Variants in SPMIP7 observed in about 807,000 individuals in gnomAD.
SPMIP7 encodes sperm microtubule inner protein 7.
the SPMIP7 span, among the ~76,000 whole-genome samples, chr7:50,109,564 C>T: frequency 6.6e-6 from 1 of 152,008 alleles, no homozygotes; most frequent in Non-Finnish European, 1.5e-5. Context: ...TTAGCAGAGA[C>T]AGGTTTCACC....
At chr7:50,099,476 G>A in the SPMIP7 span, among the ~76,000 whole-genome samples, 1 of 152,128 alleles carries the variant, frequency 6.6e-6, no homozygotes, top group Non-Finnish European at 1.5e-5. Flanking sequence ...TTGACTCTCT[G>A]TGTAGGTGTT....
the SPMIP7 span, among the ~76,000 whole-genome samples, chr7:50,156,640 T>C: frequency 0.032 from 4,882 of 151,566 alleles, 232 homozygotes; most frequent in African/African-American, 0.11. Context: ...CTCCTCTCCA[T>C]ATCCCAGGCT....
chr7:50,150,789 C>T, the SPMIP7 span, among the ~76,000 whole-genome samples: 46 of 152,318 alleles, frequency 3.0e-4, no homozygotes, highest in East Asian at 5.8e-4. Flanking sequence ...CACTGAAGAA[C>T]GGCTTCTTCA....
At chr7:50,125,151 CATATATATACACATATAT>C in the SPMIP7 span, among the ~76,000 whole-genome samples, 38,820 of 111,844 alleles carry the variant, frequency 0.35, 11,073 homozygotes, top group East Asian at 0.51. Flanking sequence ...CATATACACA[CATATATATACACATATAT>C]ACACATATAT....
the SPMIP7 span, chr7:50,134,381 TATATACACACACAC>T: frequency 1.8e-6 from 1 of 560,108 alleles, no homozygotes; most frequent in Non-Finnish European, 2.8e-6. Flanking sequence ...TAAGTAAATA[TATATACACACACAC>T]ACACACACAC....
chr7:50,143,159 ATTTTTTT>A, the SPMIP7 span, among the ~76,000 whole-genome samples: 1 of 113,636 alleles, frequency 8.8e-6, no homozygotes, highest in African/African-American at 3.2e-5. Context: ...AGTGAAAGCC[ATTTTTTT>A]TTTTTTTTTT....
At chr7:50,135,963 G>T in the SPMIP7 span, 1 of 632,586 alleles carries the variant, frequency 1.6e-6, no homozygotes, top group Non-Finnish European at 2.9e-6. Context: ...TGCTAGCAAA[G>T]CTTGGAGAGT....
chr7:50,144,424 A>G, the SPMIP7 span, among the ~76,000 whole-genome samples: 1 of 152,206 alleles, frequency 6.6e-6, no homozygotes, highest in African/African-American at 2.4e-5. Flanking sequence ...AGATTGAAAT[A>G]TGCACTAGAT....
At chr7:50,153,190 G>C in the SPMIP7 span, among the ~76,000 whole-genome samples, 2 of 152,240 alleles carry the variant, frequency 1.3e-5, no homozygotes, top group African/African-American at 4.8e-5. Flanking sequence ...ATGTAGGAGA[G>C]AGTTCCTCAG....
the SPMIP7 span, among the ~76,000 whole-genome samples, chr7:50,097,637 C>G: frequency 1.4e-5 from 2 of 146,504 alleles, no homozygotes; most frequent in Non-Finnish European, 3.0e-5. Context: ...TAAAACTCAC[C>G]TAAGAGTAAA....
chr7:50,152,100 C>T, the SPMIP7 span, among the ~76,000 whole-genome samples: 4,530 of 152,298 alleles, frequency 0.03, 224 homozygotes, highest in African/African-American at 0.1. Context: ...GTAATCCCAG[C>T]ACTTTGGGAG....
At chr7:50,126,784 C>T in the SPMIP7 span, among the ~76,000 whole-genome samples, 2 of 151,726 alleles carry the variant, frequency 1.3e-5, no homozygotes, top group African/African-American at 2.4e-5. Context: ...AATCATTTTG[C>T]TAGATATAGC....
the SPMIP7 span, chr7:50,141,281 T>C: frequency 1.3e-6 from 2 of 1,540,154 alleles, no homozygotes; most frequent in Non-Finnish European, 1.8e-6. Context: ...ATTCTAACAG[T>C]GGTCATGTGC....
At chr7:50,147,600 A>G in the SPMIP7 span, among the ~76,000 whole-genome samples, 1 of 152,228 alleles carries the variant, frequency 6.6e-6, no homozygotes, top group Non-Finnish European at 1.5e-5. Context: ...GCACATATAC[A>G]ATACATATAT....
At chr7:50,141,090 C>G in the SPMIP7 span, among the ~76,000 whole-genome samples, 1 of 152,196 alleles carries the variant, frequency 6.6e-6, no homozygotes, top group Non-Finnish European at 1.5e-5. Context: ...ACCGCTCATT[C>G]TGAAGAAGAG....
the SPMIP7 span, chr7:50,151,644 A>T: frequency 1.2e-6 from 1 of 868,816 alleles, no homozygotes; most frequent in East Asian, 2.8e-5. Context: ...GAACAATTAA[A>T]TAGTAAAAGC....
At chr7:50,101,598 C>T in the SPMIP7 span, among the ~76,000 whole-genome samples, 11 of 152,144 alleles carry the variant, frequency 7.2e-5, no homozygotes, top group Non-Finnish European at 1.6e-4. Flanking sequence ...GATGACTCTG[C>T]GGTGTAATTC....
chr7:50,156,056 A>G, the SPMIP7 span, among the ~76,000 whole-genome samples: 1 of 152,136 alleles, frequency 6.6e-6, no homozygotes, highest in Non-Finnish European at 1.5e-5. Context: ...AGCTCCTGGC[A>G]AGCGGTGGTG....
At chr7:50,122,190 T>G in the SPMIP7 span, among the ~76,000 whole-genome samples, 2 of 152,192 alleles carry the variant, frequency 1.3e-5, no homozygotes, top group African/African-American at 4.8e-5. Context: ...TCTGAATGTA[T>G]GTATGACAAC....
Sources: allele counts gnomAD v4.1 joint callset (sites outside exome capture counted in the v4.1 genomes callset), GRCh38; gene constraint gnomAD v4.1.1; transcripts MANE v1.5; gene names NCBI Gene and HGNC (gene_info 2026-07-23, HGNC 2026-07-21).